The following SOAT1 variants were observed in gnomAD, a reference collection of about 807,000 sequenced individuals.
The protein encoded by SOAT1 is acyl-coenzyme A:cholesterol acyltransferase 1.
A neutral mutation model predicts 69.5 loss-of-function variants in SOAT1; 55 were observed. That is an observed-to-expected ratio of 0.79 (90% CI 0.64 to 0.99). SOAT1 has a LOEUF of 0.99. SOAT1 is among the 50% of genes least tolerant of loss of function. SOAT1 has a pLI of 0.00. For missense variants in SOAT1, 580 were observed against 669.3 expected (o/e 0.87, Z 1.47); for synonymous variants, 231 against 224.7 (o/e 1.03, Z -0.25).
At chr1:179,341,698 C>G (rs1666344973) in intron 7 of SOAT1, among the ~76,000 whole-genome samples, 1 of 152,076 alleles carries the variant, frequency 6.6e-6, no homozygotes, top group African/African-American at 2.4e-5. Context: ...CCACACCCGG[C>G]TAATTTTTGT....
At chr1:179,297,293 A>G (rs1460158603) in intron 1 of SOAT1, among the ~76,000 whole-genome samples, 1 of 152,136 alleles carries the variant, frequency 6.6e-6, no homozygotes, top group Non-Finnish European at 1.5e-5. Context: ...TAATCAAATC[A>G]TAGCTATTAA....
chr1:179,341,536 CTT>C (rs774077684), intron 7 of SOAT1, among the ~76,000 whole-genome samples: 8 of 138,914 alleles, frequency 5.8e-5, no homozygotes, highest in Admixed American at 7.4e-5. Context: ...TTACGTTGAA[CTT>C]TTTTTTTTTT....
At chr1:179,334,223 T>C (rs147839668) in intron 3 of SOAT1, among the ~76,000 whole-genome samples, 76 of 152,296 alleles carry the variant, frequency 5.0e-4, no homozygotes, top group African/African-American at 1.7e-3. Context: ...CTACTGTTTA[T>C]GTATAGGTGG....
At chr1:179,327,218 A>G (rs1665824545) in intron 3 of SOAT1, among the ~76,000 whole-genome samples, 1 of 152,230 alleles carries the variant, frequency 6.6e-6, no homozygotes, top group Admixed American at 6.5e-5. Context: ...GTTCAGAGCC[A>G]TGAACTTGGC....
At position 179,342,890 on chromosome 1, in the gene SOAT1, G is replaced by A; in HGVS notation, c.888G>A (p.Gln296=). ...CTGTTCCAATACCTACAGTCAACCA[G>A]TATTTGTACTTCTTATTTGCTCCTA... ...SSTVPIPTVN[Q]YLYFLFAPTL... Residue 296 remains glutamine, a synonymous_variant, in exon 9 of 16, where the codon CAG becomes CAA. Coordinates refer to ENST00000367619, the MANE Select transcript of SOAT1 (RefSeq NM_003101.6). 2 of 1,613,580 alleles carry A rather than the reference G, an allele frequency of 1.2e-6. No homozygotes were observed. Among genetic ancestry groups the A allele is most frequent in the East Asian group, 2.2e-5 (1 of 44,862 alleles).
chr1:179,352,931 A>C (rs1288574948), intron 15 of SOAT1, among the ~76,000 whole-genome samples: 2 of 151,418 alleles, frequency 1.3e-5, no homozygotes, highest in African/African-American at 4.9e-5. Context: ...TCCAGTTTGG[A>C]TGCCACATCT....
intron 2 of SOAT1, among the ~76,000 whole-genome samples, chr1:179,306,478 C>G (rs1323408764): frequency 6.6e-6 from 1 of 152,142 alleles, no homozygotes; most frequent in South Asian, 2.1e-4. Flanking sequence ...TAGTTAAATT[C>G]ATTGTGAAAT....
chr1:179,351,961 G>A (rs566777006), intron 15 of SOAT1, among the ~76,000 whole-genome samples: 95 of 151,638 alleles, frequency 6.3e-4, no homozygotes, highest in Non-Finnish European at 7.8e-4. Context: ...CTCATGATCC[G>A]CCCACCTCGG....
chr1:179,342,979 C>A, intron 9 of SOAT1, 36 bp downstream of exon 9: 1 of 1,527,654 alleles, frequency 6.5e-7, no homozygotes, highest in Non-Finnish European at 9.1e-7. Context: ...TGGTAAACAC[C>A]AAAAGTGTGG....
At chr1:179,326,550 CTTTTTTT>C (rs10568516) in intron 3 of SOAT1, among the ~76,000 whole-genome samples, 3 of 106,262 alleles carry the variant, frequency 2.8e-5, no homozygotes, top group African/African-American at 1.2e-4. Flanking sequence ...AATTTCTTTT[CTTTTTTT>C]TTTTTTTTTT....
intron 2 of SOAT1, among the ~76,000 whole-genome samples, chr1:179,307,642 A>G (rs531486995): frequency 4.6e-5 from 7 of 152,294 alleles, no homozygotes; most frequent in Non-Finnish European, 8.8e-5. Context: ...TACTGTATGT[A>G]TTGTCATTGA....
chr1:179,346,434 A>C (rs1666537148), intron 11 of SOAT1, among the ~76,000 whole-genome samples: 1 of 152,220 alleles, frequency 6.6e-6, no homozygotes, highest in Non-Finnish European at 1.5e-5. Flanking sequence ...GTTTCACATT[A>C]GAGATAACAT....
intron 3 of SOAT1, among the ~76,000 whole-genome samples, chr1:179,334,483 A>G (rs1019713762): frequency 6.6e-6 from 1 of 152,142 alleles, no homozygotes; most frequent in South Asian, 2.1e-4. Context: ...GTGTATCATC[A>G]TAGAGTCAAG....
intron 13 of SOAT1, among the ~76,000 whole-genome samples, 172 bp from the exon 14 acceptor site, chr1:179,350,124 G>A (rs1025390041): frequency 6.6e-6 from 1 of 152,210 alleles, no homozygotes; most frequent in Admixed American, 6.5e-5. Context: ...GAGTTTGTAA[G>A]TGTATATGAT....
intron 1 of SOAT1, among the ~76,000 whole-genome samples, chr1:179,296,173 TG>T (rs750350630): frequency 6.6e-5 from 10 of 151,990 alleles, no homozygotes; most frequent in Non-Finnish European, 1.5e-4. Flanking sequence ...TTCACTGTGT[TG>T]GCCAGACTGG....
intron 7 of SOAT1, among the ~76,000 whole-genome samples, chr1:179,341,557 CAG>C (rs1010325898): frequency 6.6e-5 from 9 of 136,628 alleles, no homozygotes; most frequent in African/African-American, 2.4e-4. Flanking sequence ...TTTTTTGAGA[CAG>C]AGTCTCGCTC....
At chr1:179,318,649 C>T (rs1345670840) in intron 2 of SOAT1, among the ~76,000 whole-genome samples, 1 of 152,158 alleles carries the variant, frequency 6.6e-6, no homozygotes, top group Non-Finnish European at 1.5e-5. Flanking sequence ...TCTAGGCAAC[C>T]ACCAGCGTTT....
chr1:179,315,835 C>T (rs1665373226), intron 2 of SOAT1, among the ~76,000 whole-genome samples: 1 of 152,164 alleles, frequency 6.6e-6, no homozygotes, highest in African/African-American at 2.4e-5. Context: ...TACCAATCCT[C>T]CTCTCCCATG....
intron 2 of SOAT1, among the ~76,000 whole-genome samples, chr1:179,308,779 A>G (rs1019843204): frequency 7.3e-5 from 10 of 137,722 alleles, no homozygotes; most frequent in East Asian, 2.6e-4. Context: ...TTCAAACACT[A>G]TAGAAAGTTA....
Sources: allele counts gnomAD v4.1 joint callset (sites outside exome capture counted in the v4.1 genomes callset), GRCh38; gene constraint gnomAD v4.1.1; transcripts MANE v1.5; gene names NCBI Gene and HGNC (gene_info 2026-07-23, HGNC 2026-07-21).